PBX2: variants seen among roughly 807,000 people sequenced by gnomAD.
PBX2 encodes the protein pre-B-cell leukemia transcription factor 2.
A neutral mutation model predicts 46.5 loss-of-function variants in PBX2; 10 were observed. That is an observed-to-expected ratio of 0.21 (90% CI 0.13 to 0.36). PBX2 has a LOEUF of 0.36. PBX2 is among the 10% of genes least tolerant of loss of function. The pLI is 1.00. For missense variants in PBX2, 392 were observed against 580.5 expected, an observed-to-expected ratio of 0.68 and a Z score of 3.34; for synonymous variants, 160 against 222.5, an observed-to-expected ratio of 0.72 and a Z score of 2.50.
Position 32,186,486 on chromosome 6 carries a change from G to A in PBX2, c.1201-12C>T. On this transcript the variant is annotated splice_polypyrimidine_tract_variant and intron_variant, in intron 8 of 8. Transcript: ENST00000375050. The surrounding 1 kb of genome is among the most constrained non-coding windows in gnomAD (Gnocchi z 4.2). ...CAGCTGCCATTTGCCTGAAAGGAGA[G>A]ACAGAGTACAGAAAACAGAGAAAGC... is the stretch of plus-strand genomic sequence containing the variant. 6.2e-7 allele frequency: 1 copy of A among 1,611,994 alleles called. No homozygotes were observed. The highest frequency in any genetic ancestry group is 8.5e-7 in the Non-Finnish European group (1 of 1,178,320).
rs1236226967 is a variant in PBX2 at position 32,189,673 on chromosome 6, G to A, written c.221+22C>T. 4 of 1,574,284 alleles carry A rather than the reference G, an allele frequency of 2.5e-6. No individual in the cohort carries two copies. The highest frequency in any genetic ancestry group is 3.5e-6 in the Non-Finnish European group (4 of 1,148,052). ...ACGGGGTTTGCTGGGTCTGTGTGGG[G>A]TCCCGGAGTGGGGGCACTCACTTGG... On this transcript the variant is annotated intron_variant, in intron 1 of 8. Transcript: ENST00000375050. This position sits in a 1 kb window ranked among gnomAD's most constrained non-coding sequence, Gnocchi z 4.7.
In PBX2 at chr6:32,185,712, T is replaced by G. The variant is rs1383152052; in HGVS notation, c.*670A>C. On this transcript the variant is annotated 3_prime_UTR_variant, in exon 9 of 9. Transcript: ENST00000375050. ...TTTTCTTTCTTTAAAAAAAAAAAAG[T>G]TCAACCCCAAAGCCCAGTCAATAAT... The G allele has an allele frequency of 1.3e-5, 2 of 148,302 alleles. No homozygotes were observed. Among genetic ancestry groups the G allele is most frequent in the African/African-American group, 2.5e-5 (1 of 40,586 alleles). 9.2% of individuals were successfully genotyped at this position (148,302 alleles called of 1,614,324 possible).
chr6:32,189,581 A>G lies in PBX2; in HGVS notation c.221+114T>C. ...GGGCTCCCAGGAATAAGGAGAGAAG[A>G]GAGCTGTTGGATCCTGGAGAGGGCC... On this transcript the variant is annotated intron_variant, in intron 1 of 8. Transcript: ENST00000375050. The surrounding 1 kb of genome is among the most constrained non-coding windows in gnomAD (Gnocchi z 4.7). 1.4e-6 allele frequency: 1 copy of G among 705,896 alleles called. No individual in the cohort carries two copies. The highest frequency in any genetic ancestry group is 1.8e-5 in the South Asian group (1 of 56,620). The allele number at this position is 705,896 out of a possible 1,614,324, so 43.7% of individuals were successfully genotyped here.
rs1182608127 is a variant in PBX2, at chr6:32,189,678, G to A, written c.221+17C>T. The A allele has an allele frequency of 1.3e-6, 2 of 1,588,380 alleles. No individual in the cohort carries two copies. The highest frequency in any genetic ancestry group is 4.6e-5 in the East Asian group (2 of 43,570). ...GTTTGCTGGGTCTGTGTGGGGTCCC[G>A]GAGTGGGGGCACTCACTTGGCCTGG... On this transcript the variant is annotated intron_variant, in intron 1 of 8. Transcript: ENST00000375050. This position sits in a 1 kb window ranked among gnomAD's most constrained non-coding sequence, Gnocchi z 4.7.
Position 32,187,054 on chromosome 6 carries a change from C to A in PBX2, c.1025-153G>T, listed in dbSNP as rs1787175749. Reference sequence around the variant, plus strand: ...GAAAGAGCAGGCTGTTCCTTGGCCACCCGTGGGAAGAAAGGCAGAACTAAG... The same window carrying A: ...GAAAGAGCAGGCTGTTCCTTGGCCAACCGTGGGAAGAAAGGCAGAACTAAG... On this transcript the variant is annotated intron_variant, in intron 6 of 8. Transcript: ENST00000375050. This position sits in a 1 kb window ranked among gnomAD's most constrained non-coding sequence, Gnocchi z 7.7. 3 of 1,028,166 alleles carry A rather than the reference C, an allele frequency of 2.9e-6. No individual in the cohort carries two copies. The highest frequency in any genetic ancestry group is 3.2e-5 in the African/African-American group (2 of 62,118). The allele number at this position is 1,028,166 out of a possible 1,614,324, so 63.7% of individuals were successfully genotyped here. A position where few individuals can be genotyped will look rare whatever the true frequency, so the allele number is the denominator to read the frequency against.
Position 32,189,711 on chromosome 6 carries a change from C to T in PBX2, c.205G>A (p.Asp69Asn). 6.2e-7 allele frequency: 1 copy of T among 1,609,768 alleles called. No homozygotes were observed. The highest frequency in any genetic ancestry group is 8.5e-7 in the Non-Finnish European group (1 of 1,178,168). ...QIMTITDQSL[D>N]EAQAKKHALN... is the part of the protein sequence containing the mutation. ...GGCACTCACTTGGCCTGGGCCTCGT[C>T]CAGGCTCTGGTCGGTGATGGTCATT... is the stretch of plus-strand genomic sequence containing the variant. The change falls in exon 1 of 9, where the codon GAC (aspartate) becomes AAC (asparagine). Residue 69 changes from aspartate to asparagine, a missense_variant. By Grantham distance (23) the Asp-to-Asn change is conservative (BLOSUM62 1). Coordinates refer to ENST00000375050, the MANE Select transcript of PBX2 (RefSeq NM_002586.5). This position sits in a 1 kb window ranked among gnomAD's most constrained non-coding sequence, Gnocchi z 4.7.
At position 32,189,934 on chromosome 6, in the gene PBX2, A is replaced by C. The variant is rs1214709413; in HGVS notation, c.-19T>G. On this transcript the variant is annotated 5_prime_UTR_variant, in exon 1 of 9. Transcript: ENST00000375050. The surrounding 1 kb of genome is among the most constrained non-coding windows in gnomAD (Gnocchi z 4.7). The stretch of plus-strand genomic sequence containing the variant: ...CGTCCATAGCTGGGGGGGGGCCCTG[A>C]GGCCCCCTCCCTGCTCCGCCCCTCC... The C allele has an allele frequency of 2.8e-6, 3 of 1,064,300 alleles. No individual in the cohort carries two copies. Among genetic ancestry groups the C allele is most frequent in the African/African-American group, 1.7e-5 (1 of 57,732 alleles). 65.9% of individuals were successfully genotyped at this position (1,064,300 alleles called of 1,614,324 possible).
In PBX2 at chr6:32,187,169, C is replaced by T; in HGVS notation, c.1024+73G>A. The T allele has an allele frequency of 6.3e-7, 1 of 1,588,162 alleles. No individual in the cohort carries two copies. Among genetic ancestry groups the T allele is most frequent in the Non-Finnish European group, 8.6e-7 (1 of 1,161,410 alleles). On this transcript the variant is annotated intron_variant, in intron 6 of 8. Transcript: ENST00000375050. The surrounding 1 kb of genome is among the most constrained non-coding windows in gnomAD (Gnocchi z 7.7). Reference sequence around the variant, plus strand: ...AAAAGGCCCCCTCTCTGCTATGATCCTGCCTAGATAGGAAGTGGGAACAAA... The same window carrying T: ...AAAAGGCCCCCTCTCTGCTATGATCTTGCCTAGATAGGAAGTGGGAACAAA...
Position 32,185,483 on chromosome 6 carries a change from C to T in PBX2, c.*899G>A, listed in dbSNP as rs1351396010. 5 of 150,896 alleles carry T rather than the reference C, an allele frequency of 3.3e-5. No individual in the cohort carries two copies. The allele number at this position is 150,896 out of a possible 1,614,324, so 9.3% of individuals were successfully genotyped here. ...GTTCTGTTTGTCCCCCTTTCTCTTA[C>T]CAGAACCCCTTTGGCTATCACCCCT... On this transcript the variant is annotated 3_prime_UTR_variant, in exon 9 of 9. Coordinates refer to ENST00000375050, the MANE Select transcript of PBX2 (RefSeq NM_002586.5).
rs1434399865 is a variant in PBX2 at position 32,186,453 on chromosome 6, C to T, written c.1222G>A (p.Ala408Thr). 1 of 1,613,414 alleles carries T rather than the reference C, an allele frequency of 6.2e-7. No individual in the cohort carries two copies. Among genetic ancestry groups the T allele is most frequent in the East Asian group, 2.2e-5 (1 of 44,878 alleles). ...GATGTCACTGAAGAGGGGGTCACAG[C>T]CTCTTGCCAGCTGCCATTTGCCTGA... ...EMRANGSWQE[A>T]VTPSSVTSPT... Residue 408 changes from alanine (A) to threonine (T), a missense_variant, in exon 9 of 9, where the codon GCT becomes ACT. Around this residue, in one of 3 missense-constraint regions of PBX2, gnomAD observed 116 missense variants for 157.9 expected, o/e 0.73. Transcript: ENST00000375050. The surrounding 1 kb of genome is among the most constrained non-coding windows in gnomAD (Gnocchi z 4.2).
In PBX2 at chr6:32,189,650, G is replaced by T; in HGVS notation, c.221+45C>A. The T allele has an allele frequency of 7.0e-7, 1 of 1,436,560 alleles. No individual in the cohort carries two copies. Among genetic ancestry groups the T allele is most frequent in the African/African-American group, 1.4e-5 (1 of 70,244 alleles). 89.0% of individuals were successfully genotyped at this position (1,436,560 alleles called of 1,614,324 possible). On this transcript the variant is annotated intron_variant, in intron 1 of 8. Coordinates refer to ENST00000375050, the MANE Select transcript of PBX2 (RefSeq NM_002586.5). This position sits in a 1 kb window ranked among gnomAD's most constrained non-coding sequence, Gnocchi z 4.7. ...CCCAGAAGATTCAGAACATGTGAAC[G>T]GGGTTTGCTGGGTCTGTGTGGGGTC...
rs1471130067 is a variant in PBX2 at position 32,187,892 on chromosome 6, T to C, written c.734+74A>G. On this transcript the variant is annotated intron_variant, in intron 4 of 8. Transcript: ENST00000375050. The surrounding 1 kb of genome is among the most constrained non-coding windows in gnomAD (Gnocchi z 7.7). Reference sequence around the variant, plus strand: ...TCATGGAGTACCATGTTGTGCAGCATGGCAGCTCAGGGTCTTGGAGAGGAA... The same window carrying C: ...TCATGGAGTACCATGTTGTGCAGCACGGCAGCTCAGGGTCTTGGAGAGGAA... 1.0e-5 allele frequency: 16 copies of C among 1,535,990 alleles called. No homozygotes were observed. Among genetic ancestry groups the C allele is most frequent in the Middle Eastern group, 1.7e-4 (1 of 5,842 alleles).
At position 32,186,946 on chromosome 6, in the gene PBX2, T is replaced by C. The variant is rs563921054; in HGVS notation, c.1025-45A>G. On this transcript the variant is annotated intron_variant, in intron 6 of 8. Transcript: ENST00000375050. This position sits in a 1 kb window ranked among gnomAD's most constrained non-coding sequence, Gnocchi z 4.2. ...AAGAGTGTAATAGAGCCCGTGATGG[T>C]AGAGGATGAACCACAACTCTCAACT... The C allele has an allele frequency of 7.2e-6, 11 of 1,526,860 alleles. No homozygotes were observed. The highest frequency in any genetic ancestry group is 2.2e-5 in the South Asian group (2 of 89,080). 94.6% of individuals were successfully genotyped at this position (1,526,860 alleles called of 1,614,324 possible).
rs1159321398 is a variant in PBX2 at position 32,187,756 on chromosome 6, T to C, written c.761A>G (p.Gln254Arg). The change falls in exon 5 of 9, where the codon CAG becomes CGG. Residue 254 changes from glutamine to arginine, a missense_variant. Gln to Arg is a conservative substitution (Grantham distance 43). Coordinates refer to ENST00000375050, the MANE Select transcript of PBX2 (RefSeq NM_002586.5). This position sits in a 1 kb window ranked among gnomAD's most constrained non-coding sequence, Gnocchi z 7.7. ...ATACTCATTTAGGACCTCAGTGGCC[T>C]GTTTGCTGAAGTTACGGCGCTTTCG... ...ARRKRRNFSK[Q>R]ATEVLNEYFY... The C allele has an allele frequency of 6.2e-7, 1 of 1,612,768 alleles. No homozygotes were observed. Among genetic ancestry groups the C allele is most frequent in the East Asian group, 2.2e-5 (1 of 44,888 alleles).
chr6:32,189,058 G>A lies in PBX2; in HGVS notation c.222-262C>T. The A allele has an allele frequency of 1.9e-6, 1 of 521,438 alleles. No homozygotes were observed. Among genetic ancestry groups the A allele is most frequent in the Admixed American group, 3.1e-5 (1 of 32,248 alleles). 32.3% of individuals were successfully genotyped at this position (521,438 alleles called of 1,614,324 possible). A position where few individuals can be genotyped will look rare whatever the true frequency, so the allele number is the denominator to read the frequency against. On this transcript the variant is annotated intron_variant, in intron 1 of 8. Transcript: ENST00000375050. The surrounding 1 kb of genome is among the most constrained non-coding windows in gnomAD (Gnocchi z 4.7). ...CGGGCTTTGGGAGATGGTCTAGAAA[G>A]GTAGGAGGAGGAATCTGGGAGTGGA...
At position 32,186,205 on chromosome 6, in the gene PBX2, T is replaced by G. The variant is rs2127446755; in HGVS notation, c.*177A>C. Reference sequence around the variant, plus strand: ...CCCACACTCCCCTTAGAGGCCCCATTCTTCCTGCCATGTAATTAGCACCCC... The same window carrying G: ...CCCACACTCCCCTTAGAGGCCCCATGCTTCCTGCCATGTAATTAGCACCCC... On this transcript the variant is annotated 3_prime_UTR_variant, in exon 9 of 9. Transcript: ENST00000375050. This position sits in a 1 kb window ranked among gnomAD's most constrained non-coding sequence, Gnocchi z 4.2. The G allele has an allele frequency of 1.7e-6, 1 of 602,814 alleles. No individual in the cohort carries two copies. Among genetic ancestry groups the G allele is most frequent in the South Asian group, 2.1e-5 (1 of 47,322 alleles). The allele number at this position is 602,814 out of a possible 1,614,324, so 37.3% of individuals were successfully genotyped here. A position where few individuals can be genotyped will look rare whatever the true frequency, so the allele number is the denominator to read the frequency against.
rs1362862221 is a variant in PBX2, at chr6:32,189,890, G to A, written c.26C>T (p.Pro9Leu). Reference sequence around the variant, plus strand: ...GCCCCCCCGGCCCCCGCCTGGAGGGGGCGGCCCCAGTAGCCGTTCGTCCAT... The same window carrying A: ...GCCCCCCCGGCCCCCGCCTGGAGGGAGCGGCCCCAGTAGCCGTTCGTCCAT... MDERLLGP[P>L]PPGGGRGGLG... The change falls in exon 1 of 9, where the codon CCC (proline) becomes CTC (leucine). Residue 9 changes from proline (P) to leucine (L), a missense_variant. Around this residue, in one of 3 missense-constraint regions of PBX2, gnomAD observed 196 missense variants for 246.9 expected, o/e 0.79. Transcript: ENST00000375050. The surrounding 1 kb of genome is among the most constrained non-coding windows in gnomAD (Gnocchi z 4.7). 12 of 1,428,112 alleles carry A rather than the reference G, an allele frequency of 8.4e-6. No individual in the cohort carries two copies. Among genetic ancestry groups the A allele is most frequent in the Non-Finnish European group, 1.1e-5 (12 of 1,081,866 alleles). The allele number at this position is 1,428,112 out of a possible 1,614,324, so 88.5% of individuals were successfully genotyped here. A position where few individuals can be genotyped will look rare whatever the true frequency, so the allele number is the denominator to read the frequency against.
At position 32,189,143 on chromosome 6, in the gene PBX2, G is replaced by A. The variant is rs1787284022; in HGVS notation, c.222-347C>T. The A allele has an allele frequency of 2.4e-6, 1 of 417,464 alleles. No homozygotes were observed. Among genetic ancestry groups the A allele is most frequent in the Non-Finnish European group, 4.4e-6 (1 of 226,646 alleles). The allele number at this position is 417,464 out of a possible 1,614,324, so 25.9% of individuals were successfully genotyped here. A position where few individuals can be genotyped will look rare whatever the true frequency, so the allele number is the denominator to read the frequency against. ...GGAGAGAGACAGAGGCTGGGGTTGAGAAGAGTCAGAGTTTGAGGTGGCAGA... is the reference window on the plus strand; with the variant it reads ...GGAGAGAGACAGAGGCTGGGGTTGAAAAGAGTCAGAGTTTGAGGTGGCAGA... On this transcript the variant is annotated intron_variant, in intron 1 of 8. Transcript: ENST00000375050. The surrounding 1 kb of genome is among the most constrained non-coding windows in gnomAD (Gnocchi z 4.7).
In PBX2 at chr6:32,188,829, G is replaced by T. The variant is rs923495901; in HGVS notation, c.222-33C>A. ...GGAGTGGGAGTGGGGAAAGAGAAAA[G>T]TTGAGGAGCTAGAGAAACAGAGCAG... On this transcript the variant is annotated intron_variant, in intron 1 of 8. Coordinates refer to ENST00000375050, the MANE Select transcript of PBX2 (RefSeq NM_002586.5). The surrounding 1 kb of genome is among the most constrained non-coding windows in gnomAD (Gnocchi z 6.5). The T allele has an allele frequency of 6.3e-7, 1 of 1,594,868 alleles. No individual in the cohort carries two copies. Among genetic ancestry groups the T allele is most frequent in the Non-Finnish European group, 8.6e-7 (1 of 1,163,574 alleles).
Sources: allele counts gnomAD v4.1 joint callset, GRCh38; gene constraint gnomAD v4.1.1; regional missense constraint gnomAD v4.1.1; non-coding constraint Gnocchi (gnomAD v3.1); transcripts MANE v1.5; gene names NCBI Gene and HGNC (gene_info 2026-07-23, HGNC 2026-07-21).